The following LRP1 variants were observed in gnomAD, a reference collection of about 807,000 sequenced individuals.
The protein encoded by LRP1 is prolow-density lipoprotein receptor-related protein 1.
In LRP1, 51 loss-of-function variants were observed where a neutral mutation model predicts 541.5. The observed-to-expected ratio is 0.09, with a 90% confidence interval of 0.08 to 0.12. LRP1 has a LOEUF of 0.12. Among genes scored for constraint, LRP1 ranks in the 10% least tolerant of loss-of-function variants. The pLI is 1.00. For synonymous variants in LRP1, 2,219 were observed against 2,470.8 expected, an observed-to-expected ratio of 0.90 and a Z score of 3.02; for missense variants, 3,878 against 6,376.2, an observed-to-expected ratio of 0.61 and a Z score of 13.34.
chr12:57,145,555 A>C, intron 6 of LRP1, 65 bp downstream of exon 6: 1 of 1,571,866 alleles, frequency 6.4e-7, no homozygotes, highest in Admixed American at 1.7e-5. Context: ...GGTGGACCCT[A>C]TCTTGAACAG....
chr12:57,202,266 C>T (rs907118120), intron 67 of LRP1, among the ~76,000 whole-genome samples, 155 bp from the exon 68 acceptor site: 18 of 152,124 alleles, frequency 1.2e-4, no homozygotes, highest in Non-Finnish European at 2.2e-4. Flanking sequence ...CCTTATAGAC[C>T]CCACGTCTCA....
At chr12:57,137,517 G>A (rs2035197621) in intron 1 of LRP1, among the ~76,000 whole-genome samples, 1 of 152,142 alleles carries the variant, frequency 6.6e-6, no homozygotes, top group Non-Finnish European at 1.5e-5. Context: ...AAGTCTCCCT[G>A]AGGTCTAACC....
chr12:57,181,431 T>A, intron 34 of LRP1, 140 bp downstream of exon 34: 2 of 1,095,820 alleles, frequency 1.8e-6, no homozygotes, highest in Non-Finnish European at 2.5e-6. Flanking sequence ...ATGAAGTGGC[T>A]ATGACTCTCC....
chr12:57,168,352 G>A (rs919833550), intron 19 of LRP1: 1 of 152,868 alleles, frequency 6.5e-6, no homozygotes, highest in Non-Finnish European at 1.5e-5. Flanking sequence ...GCAACAGAGA[G>A]GAGGGAGAGC....
Position 57,148,289 on chromosome 12 carries a change from A to G in LRP1, c.841+2799A>G, listed in dbSNP as rs11837048. ...GCAGCGAAATAAGAAAAGTAAGTTAATTGAAATAACTGGTAATAAACAGTA... is the reference window on the plus strand; with the variant it reads ...GCAGCGAAATAAGAAAAGTAAGTTAGTTGAAATAACTGGTAATAAACAGTA... On this transcript the variant is annotated intron_variant, in intron 6 of 88. Coordinates refer to ENST00000243077, the MANE Select transcript of LRP1 (RefSeq NM_002332.3). Among the ~76,000 whole-genome samples the G allele has an allele frequency of 8.5e-3, 1,299 of 152,290 alleles. 23 individuals are homozygous for G. Among genetic ancestry groups the G allele is most frequent in the African/African-American group, 0.029 (1,222 of 41,558 alleles).
Position 57,210,395 on chromosome 12 carries a change from AC to A in LRP1, c.12673del (p.Arg4225AlafsTer117). On this transcript the variant is annotated frameshift_variant, in exon 82 of 89. Transcript: ENST00000243077. LOFTEE classifies it high-confidence loss of function. The part of the protein sequence containing the change: ...ARRQPKCRCQ[P>X]RYTGDKCELD... Reference sequence around the variant, plus strand: ...GGAGGCAGCCCAAGTGCCGCTGCCAACCCCGCTACACGGGTGACAAGTGTGA... The same window carrying A: ...GGAGGCAGCCCAAGTGCCGCTGCCAACCCGCTACACGGGTGACAAGTGTGA... 6.2e-7 allele frequency: 1 copy of A among 1,606,526 alleles called. No homozygotes were observed. Among genetic ancestry groups the A allele is most frequent in the Non-Finnish European group, 8.5e-7 (1 of 1,175,548 alleles).
intron 10 of LRP1, among the ~76,000 whole-genome samples, chr12:57,157,178 C>T (rs2035638720): frequency 6.6e-6 from 1 of 152,238 alleles, no homozygotes; most frequent in African/African-American, 2.4e-5. Context: ...GCACTCACTA[C>T]ATGTTTGGCA....
At chr12:57,198,721 A>G (rs1203044625) in intron 60 of LRP1, 51 bp downstream of exon 60, 11 of 1,521,756 alleles carry the variant, frequency 7.2e-6, no homozygotes, top group Non-Finnish European at 9.8e-6. Context: ...GTGGGGATGG[A>G]GGTCTGAAGC....
intron 42 of LRP1, among the ~76,000 whole-genome samples, chr12:57,188,694 A>G (rs1269752688): frequency 6.6e-6 from 1 of 152,230 alleles, no homozygotes; most frequent in Admixed American, 6.5e-5. Flanking sequence ...AGGGGATTCC[A>G]TCACGCATTC....
rs1393474771 is a variant in LRP1, at chr12:57,211,495, A to G, written c.13100A>G (p.Asp4367Gly). The change falls in exon 85 of 89, where the codon GAT (aspartate) becomes GGT (glycine). Residue 4367 changes from aspartate to glycine, a missense_variant. Physicochemically the swap from Asp to Gly is moderately conservative, Grantham distance 94. Transcript: ENST00000243077. This position sits in a 1 kb window ranked among gnomAD's most constrained non-coding sequence, Gnocchi z 4.3. ...CTGATTCCTTCCTGCAGCTGCACGGATGGCCGGGTGGCCCCCAGCTGTCTG... is the reference window on the plus strand; with the variant it reads ...CTGATTCCTTCCTGCAGCTGCACGGGTGGCCGGGTGGCCCCCAGCTGTCTG... ...QSGDVTCNCT[D>G]GRVAPSCLTC... 1.2e-6 allele frequency: 2 copies of G among 1,613,686 alleles called. No homozygotes were observed. Among genetic ancestry groups the G allele is most frequent in the East Asian group, 2.2e-5 (1 of 44,894 alleles).
At chr12:57,148,868 A>G (rs1299806367) in intron 6 of LRP1, 5 of 486,124 alleles carry the variant, frequency 1.0e-5, no homozygotes, top group Non-Finnish European at 1.8e-5. Context: ...TGGGGAGCTC[A>G]GCAAAGGGCC....
At position 57,173,171 on chromosome 12, in the gene LRP1, C is replaced by T. The variant is rs1185554986; in HGVS notation, c.3167C>T (p.Thr1056Met). 3.1e-6 allele frequency: 5 copies of T among 1,604,300 alleles called. No homozygotes were observed. The highest frequency in any genetic ancestry group is 1.7e-5 in the Admixed American group (1 of 59,776). Residue 1056 changes from threonine to methionine, a missense_variant, in exon 21 of 89, where the codon ACG becomes ATG. Thr to Met is a moderately conservative substitution (Grantham distance 81). Coordinates refer to ENST00000243077, the MANE Select transcript of LRP1 (RefSeq NM_002332.3). This position sits in a 1 kb window ranked among gnomAD's most constrained non-coding sequence, Gnocchi z 4.7. ...ETHANCTNQA[T>M]RPPGGCHTDE... ...GCCCTCCACTGTCCCTCTGCAGCCA[C>T]GAGGCCCCCTGGTGGCTGCCACACT... is the stretch of plus-strand genomic sequence containing the variant.
chr12:57,193,461 C>A, intron 46 of LRP1, 105 bp from the exon 47 acceptor site: 1 of 1,522,170 alleles, frequency 6.6e-7, no homozygotes, highest in Non-Finnish European at 8.9e-7. Flanking sequence ...CTGGACTGGG[C>A]CTTTGGGTTT....
chr12:57,143,811 A>C lies in LRP1; in HGVS notation c.448+13A>C, dbSNP rs1468940609. Reference sequence around the variant, plus strand: ...AAGACCTGCAAAGGTATGTGAGTGCATGTGCCTGTGTGCATGTGTGTGTGC... The same window carrying C: ...AAGACCTGCAAAGGTATGTGAGTGCCTGTGCCTGTGTGCATGTGTGTGTGC... On this transcript the variant is annotated intron_variant, in intron 4 of 88. Coordinates refer to ENST00000243077, the MANE Select transcript of LRP1 (RefSeq NM_002332.3). 1 of 1,611,346 alleles carries C rather than the reference A, an allele frequency of 6.2e-7. No individual in the cohort carries two copies. Among genetic ancestry groups the C allele is most frequent in the African/African-American group, 1.3e-5 (1 of 74,892 alleles).
At position 57,162,426 on chromosome 12, in the gene LRP1, G is replaced by A; in HGVS notation, c.2312G>A (p.Gly771Asp). 1.2e-6 allele frequency: 2 copies of A among 1,614,146 alleles called. No individual in the cohort carries two copies. The highest frequency in any genetic ancestry group is 1.7e-6 in the Non-Finnish European group (2 of 1,180,020). Residue 771 changes from glycine to aspartate, a missense_variant, in exon 14 of 89, where the codon GGT (glycine) becomes GAT (aspartate). Gly to Asp is a moderately conservative substitution (Grantham distance 94). Coordinates refer to ENST00000243077, the MANE Select transcript of LRP1 (RefSeq NM_002332.3). This position sits in a 1 kb window ranked among gnomAD's most constrained non-coding sequence, Gnocchi z 5.2. ...GGCAGTGTCTACCGCTTGGAACGGG[G>A]TGTAGGAGGCGCACCCCCCACTGTG... ...RSGSVYRLER[G>D]VGGAPPTVTL...
In LRP1 at chr12:57,212,183, C is replaced by T. The variant is rs1194210043; in HGVS notation, c.13416C>T (p.Thr4472=). The T allele has an allele frequency of 6.2e-7, 1 of 1,613,932 alleles. No homozygotes were observed. Among genetic ancestry groups the T allele is most frequent in the African/African-American group, 1.3e-5 (1 of 74,922 alleles). The change falls in exon 88 of 89, where the codon ACC becomes ACT. Residue 4472 remains threonine (T), a synonymous_variant. Transcript: ENST00000243077. This position sits in a 1 kb window ranked among gnomAD's most constrained non-coding sequence, Gnocchi z 5.0. ...TGAACGTGGAGATTGGAAACCCCAC[C>T]TACAAGATGTACGAAGGCGGAGAGC... ...GAMNVEIGNP[T]YKMYEGGEPD... is the part of the protein sequence containing the mutation.
Position 57,205,746 on chromosome 12 carries a change from C to T in LRP1, c.11590+69C>T. 1.3e-6 allele frequency: 2 copies of T among 1,583,432 alleles called. No homozygotes were observed. Among genetic ancestry groups the T allele is most frequent in the Non-Finnish European group, 1.7e-6 (2 of 1,169,670 alleles). ...CGACCAGGATATCAAACGGGGCCGA[C>T]TTGGAATGGAATGTCTTCCTGCGGA... On this transcript the variant is annotated intron_variant, in intron 75 of 88. Transcript: ENST00000243077. The surrounding 1 kb of genome is among the most constrained non-coding windows in gnomAD (Gnocchi z 4.6).
In LRP1 at chr12:57,195,957, C is replaced by T. The variant is rs776240348; in HGVS notation, c.8655C>T (p.His2885=). 5.6e-6 allele frequency: 9 copies of T among 1,613,362 alleles called. No individual in the cohort carries two copies. The highest frequency in any genetic ancestry group is 3.3e-5 in the Admixed American group (2 of 60,010). ...AGTGTGATGGCGAGAATGACTGCCA[C>T]GACCAGAGTGACGAGGCTCCCAAGA... is the stretch of plus-strand genomic sequence containing the variant. The part of the protein sequence containing the change: ...QWECDGENDC[H]DQSDEAPKNP... Residue 2885 remains histidine (H), a synonymous_variant, in exon 54 of 89, where the codon CAC becomes CAT. Coordinates refer to ENST00000243077, the MANE Select transcript of LRP1 (RefSeq NM_002332.3).
chr12:57,201,943 C>A lies in LRP1; in HGVS notation c.10594+38C>A, dbSNP rs1371929876. On this transcript the variant is annotated intron_variant, in intron 67 of 88. Coordinates refer to ENST00000243077, the MANE Select transcript of LRP1 (RefSeq NM_002332.3). The surrounding 1 kb of genome is among the most constrained non-coding windows in gnomAD (Gnocchi z 6.4). ...CCCACTCCAGGAGGAAGACAGTCTA[C>A]CTGGGTGGGAGGCATGGCACCCCTG... is the stretch of plus-strand genomic sequence containing the variant. 1 of 1,611,428 alleles carries A rather than the reference C, an allele frequency of 6.2e-7. No individual in the cohort carries two copies. Among genetic ancestry groups the A allele is most frequent in the African/African-American group, 1.3e-5 (1 of 74,866 alleles).
Sources: gnomAD v4.1 joint callset for allele counts (sites outside exome capture counted in the v4.1 genomes callset) on GRCh38, gnomAD v4.1.1 for gene constraint, Gnocchi (gnomAD v3.1) non-coding constraint, MANE v1.5 for transcripts, NCBI Gene and HGNC (gene_info 2026-07-23, HGNC 2026-07-21) for gene names.